Variants in LHFPL3 observed in about 807,000 individuals in gnomAD.
LHFPL3 encodes the protein LHFPL tetraspan subfamily member 3 protein.
In LHFPL3, 5 loss-of-function variants were observed where a neutral mutation model predicts 19.3. That is an observed-to-expected ratio of 0.26 (90% CI 0.14 to 0.54). LHFPL3 has a LOEUF of 0.54. Among genes scored for constraint, LHFPL3 ranks in the 20% least tolerant of loss-of-function variants. The probability of loss-of-function intolerance (pLI) is 0.94; values close to 1 mark genes in which losing one functional copy is unlikely to be tolerated. For synonymous variants in LHFPL3, 133 were observed against 126.2 expected (o/e 1.05, Z -0.36); for missense variants, 249 against 307.4 (o/e 0.81, Z 1.42).
intron 1 of LHFPL3, among the ~76,000 whole-genome samples, chr7:104,341,948 T>C (rs911881881): frequency 2.6e-5 from 4 of 152,232 alleles, no homozygotes; most frequent in African/African-American, 9.6e-5. Flanking sequence ...AAAGCTCCTT[T>C]ACCTACAAGG....
intron 1 of LHFPL3, among the ~76,000 whole-genome samples, chr7:104,527,473 C>T (rs548504409): frequency 4.6e-5 from 7 of 152,154 alleles, no homozygotes; most frequent in South Asian, 2.1e-4. Flanking sequence ...GCAATGCACT[C>T]GATTGGAGAC....
At chr7:104,735,709 A>C (rs1321954066) in intron 1 of LHFPL3, among the ~76,000 whole-genome samples, 1 of 152,212 alleles carries the variant, frequency 6.6e-6, no homozygotes. Context: ...CGCTCGGTGC[A>C]CTGCACCCAC....
chr7:104,379,982 A>G (rs1790796891), intron 1 of LHFPL3, among the ~76,000 whole-genome samples: 1 of 152,206 alleles, frequency 6.6e-6, no homozygotes, highest in Non-Finnish European at 1.5e-5. Flanking sequence ...ATTTAATGGG[A>G]AAAACACACT....
At chr7:104,342,730 T>C (rs1291590660) in intron 1 of LHFPL3, among the ~76,000 whole-genome samples, 1 of 152,216 alleles carries the variant, frequency 6.6e-6, no homozygotes, top group African/African-American at 2.4e-5. Context: ...TTTTTAAGCC[T>C]CACCAGAATT....
intron 1 of LHFPL3, among the ~76,000 whole-genome samples, chr7:104,577,895 A>G (rs1199829801): frequency 6.6e-6 from 1 of 152,206 alleles, no homozygotes; most frequent in Non-Finnish European, 1.5e-5. Flanking sequence ...AGTAATACAG[A>G]CTTTCTTTTC....
intron 1 of LHFPL3, among the ~76,000 whole-genome samples, chr7:104,462,284 T>C (rs1792681141): frequency 6.6e-6 from 1 of 152,220 alleles, no homozygotes; most frequent in Middle Eastern, 3.2e-3. Context: ...CTACATTGAA[T>C]AGGAGTTGTA....
At chr7:104,589,617 T>C (rs1042671792) in intron 1 of LHFPL3, among the ~76,000 whole-genome samples, 2 of 152,156 alleles carry the variant, frequency 1.3e-5, no homozygotes, top group Admixed American at 1.3e-4. Flanking sequence ...CAGGATGATG[T>C]TGGCCTCATA....
chr7:104,857,877 T>C (rs529507243), intron 2 of LHFPL3, among the ~76,000 whole-genome samples: 10 of 152,308 alleles, frequency 6.6e-5, no homozygotes, highest in African/African-American at 1.9e-4. Context: ...GCGGGGAGTT[T>C]TCTAGCTGAA....
intron 1 of LHFPL3, among the ~76,000 whole-genome samples, chr7:104,357,674 C>T (rs1790305999): frequency 6.6e-6 from 1 of 152,116 alleles, no homozygotes; most frequent in South Asian, 2.1e-4. Context: ...AGTCTGAAAT[C>T]CCTAGGGTAA....
At chr7:104,679,117 C>G (rs1301806258) in intron 1 of LHFPL3, among the ~76,000 whole-genome samples, 1 of 152,246 alleles carries the variant, frequency 6.6e-6, no homozygotes, top group Non-Finnish European at 1.5e-5. Context: ...CTCAAGGTCT[C>G]TCATGAGATT....
chr7:104,496,559 G>T (rs568047721), intron 1 of LHFPL3, among the ~76,000 whole-genome samples: 71 of 152,124 alleles, frequency 4.7e-4, no homozygotes, highest in South Asian at 1.7e-3. Flanking sequence ...ACTTCCACAA[G>T]GGTTGAACTA....
intron 2 of LHFPL3, among the ~76,000 whole-genome samples, chr7:104,785,992 C>A (rs1425396561): frequency 6.6e-6 from 1 of 152,320 alleles, no homozygotes; most frequent in East Asian, 1.9e-4. Context: ...GCCCTCTGCA[C>A]AATGCCCTTC....
chr7:104,424,292 A>C (rs1395057491), intron 1 of LHFPL3, among the ~76,000 whole-genome samples: 1 of 152,196 alleles, frequency 6.6e-6, no homozygotes, highest in Non-Finnish European at 1.5e-5. Context: ...GGCTCAAGGT[A>C]CTTTTGTTGG....
At chr7:104,591,110 T>G (rs1391026615) in intron 1 of LHFPL3, among the ~76,000 whole-genome samples, 3 of 152,228 alleles carry the variant, frequency 2.0e-5, no homozygotes, top group African/African-American at 4.8e-5. Context: ...TTAACCCATT[T>G]ACATTTAAGG....
intron 1 of LHFPL3, among the ~76,000 whole-genome samples, chr7:104,367,029 A>G (rs1259764394): frequency 6.6e-6 from 1 of 152,170 alleles, no homozygotes; most frequent in African/African-American, 2.4e-5. Context: ...GTCCTGAAGC[A>G]TGTTTTCTAA....
intron 2 of LHFPL3, among the ~76,000 whole-genome samples, chr7:104,774,008 A>C (rs958609141): frequency 6.6e-6 from 1 of 152,254 alleles, no homozygotes; most frequent in Non-Finnish European, 1.5e-5. Flanking sequence ...GTGTAGTCAC[A>C]CATCTAGTTA....
chr7:104,745,926 A>G (rs1361707637), intron 2 of LHFPL3, among the ~76,000 whole-genome samples: 2 of 152,172 alleles, frequency 1.3e-5, no homozygotes, highest in African/African-American at 4.8e-5. Flanking sequence ...GTCCCCTCTC[A>G]TCTATATTGG....
chr7:104,599,910 T>C (rs1325263806), intron 1 of LHFPL3, among the ~76,000 whole-genome samples: 1 of 152,194 alleles, frequency 6.6e-6, no homozygotes, highest in African/African-American at 2.4e-5. Flanking sequence ...TTGTGCTGAC[T>C]TAAAACTTTT....
At chr7:104,491,663 A>G (rs559880353) in intron 1 of LHFPL3, among the ~76,000 whole-genome samples, 7 of 152,296 alleles carry the variant, frequency 4.6e-5, no homozygotes, top group African/African-American at 1.7e-4. Flanking sequence ...TCCCATTGGA[A>G]GTGCTAAGCA....
Sources: gnomAD v4.1 joint callset for allele counts (sites outside exome capture counted in the v4.1 genomes callset) on GRCh38, gnomAD v4.1.1 for gene constraint, MANE v1.5 for transcripts, NCBI Gene and HGNC (gene_info 2026-07-23, HGNC 2026-07-21) for gene names.